Variants in COL19A1 observed in about 807,000 individuals in gnomAD.
COL19A1 encodes collagen alpha-1(XIX) chain.
Under a neutral mutation model 190.2 loss-of-function variants are expected in COL19A1, and 159 were observed. That is an observed-to-expected ratio of 0.84 (90% confidence interval 0.73 to 0.95). The LOEUF (loss-of-function observed/expected upper bound fraction) is 0.95, where lower values mean the gene tolerates loss of function less well. Ranked by LOEUF, COL19A1 falls within the 40% of genes least tolerant of loss-of-function variation. The pLI, the probability that COL19A1 is intolerant of heterozygous loss-of-function variation, is 0.00. For missense variants in COL19A1, 1,418 were observed against 1,431.9 expected, an observed-to-expected ratio of 0.99 and a Z score of 0.16; for synonymous variants, 509 against 458.9, an observed-to-expected ratio of 1.11 and a Z score of -1.39.
At chr6:69,883,305 C>A (rs534998213) in intron 2 of COL19A1, among the ~76,000 whole-genome samples, 1 of 152,152 alleles carries the variant, frequency 6.6e-6, no homozygotes, top group Non-Finnish European at 1.5e-5. Flanking sequence ...AAAGGCTAGA[C>A]CTTGGACACT....
Position 69,929,620 on chromosome 6 carries a change from C to A in COL19A1, c.586C>A (p.Gln196Lys), listed in dbSNP as rs756800886. ...GGATTGTAATTTAATTGCGAGGAGG[C>A]AGACTGATGAAAAGGACACTGTGGA... ...YMDCNLIARR[Q>K]TDEKDTVDFH... is the part of the protein sequence containing the mutation. Residue 196 changes from glutamine to lysine, a missense_variant, in exon 6 of 51, where the codon CAG becomes AAG. By Grantham distance (53) the Gln-to-Lys change is moderately conservative. Coordinates refer to ENST00000620364, the MANE Select transcript of COL19A1 (RefSeq NM_001858.6). The A allele has an allele frequency of 6.2e-7, 1 of 1,613,914 alleles. No homozygotes were observed. Among genetic ancestry groups the A allele is most frequent in the South Asian group, 1.1e-5 (1 of 91,080 alleles).
chr6:70,167,000 T>A (rs810562), intron 37 of COL19A1, among the ~76,000 whole-genome samples: 10,465 of 152,216 alleles, frequency 0.069, 1,198 homozygotes, highest in African/African-American at 0.23. Flanking sequence ...CAAAACACAG[T>A]TTAAATGTTT....
chr6:69,945,432 C>T (rs1012715012), intron 9 of COL19A1, among the ~76,000 whole-genome samples: 2 of 151,974 alleles, frequency 1.3e-5, no homozygotes, highest in African/African-American at 4.8e-5. Context: ...CATTTTCTTT[C>T]CAATCTGACA....
chr6:69,881,790 G>C (rs867412268), intron 2 of COL19A1, among the ~76,000 whole-genome samples: 1 of 152,180 alleles, frequency 6.6e-6, no homozygotes, highest in African/African-American at 2.4e-5. Context: ...AAAGCAACAC[G>C]TACTGAATGT....
At position 69,928,025 on chromosome 6, in the gene COL19A1, T is replaced by C; in HGVS notation, c.383T>C (p.Ile128Thr). 1 of 1,612,940 alleles carries C rather than the reference T, an allele frequency of 6.2e-7. No homozygotes were observed. Among genetic ancestry groups the C allele is most frequent in the Admixed American group, 1.7e-5 (1 of 59,898 alleles). ...TGGCAGGTTTTAAACCAGCAGAATA[T>C]TCCACAGGTAAAGTACCATTAGAGT... Reference protein sequence around the residue: ...FLWQVLNQQNIPQISIVVDGG... With the variant: ...FLWQVLNQQNTPQISIVVDGG... Residue 128 changes from isoleucine to threonine, a missense_variant, in exon 5 of 51, where the codon ATT becomes ACT. Physicochemically the swap from Ile to Thr is moderately conservative, Grantham distance 89 (BLOSUM62 -1). Transcript: ENST00000620364.
At chr6:69,975,234 C>T (rs1462116513) in intron 11 of COL19A1, among the ~76,000 whole-genome samples, 1 of 152,202 alleles carries the variant, frequency 6.6e-6, no homozygotes, top group East Asian at 1.9e-4. Context: ...TAATGGATCC[C>T]TTGTCTTCCT....
In COL19A1 at chr6:70,137,830, A is replaced by G. The variant is rs576705986; in HGVS notation, c.1446+83A>G. 1.3e-3 allele frequency: 1,691 copies of G among 1,348,612 alleles called. 32 individuals carry two copies. The South Asian group carries it at 0.019, about 15-fold the overall frequency. The allele number at this position is 1,348,612 out of a possible 1,614,324, so 83.5% of individuals were successfully genotyped here. ...ACGTTTCCAAATCAGCCCCAATTCCACGTGCCTTGGTTGATCCTGTCATGG... is the reference window on the plus strand; with the variant it reads ...ACGTTTCCAAATCAGCCCCAATTCCGCGTGCCTTGGTTGATCCTGTCATGG... On this transcript the variant is annotated intron_variant, in intron 19 of 50. Transcript: ENST00000620364.
At chr6:70,179,097 T>C (rs1766006308) in intron 42 of COL19A1, among the ~76,000 whole-genome samples, 1 of 152,088 alleles carries the variant, frequency 6.6e-6, no homozygotes, top group Non-Finnish European at 1.5e-5. Context: ...ATCTTCCCAC[T>C]CAGGCCCCTA....
intron 11 of COL19A1, among the ~76,000 whole-genome samples, chr6:70,005,610 C>A (rs1402866545): frequency 6.6e-6 from 1 of 152,116 alleles, no homozygotes; most frequent in African/African-American, 2.4e-5. Flanking sequence ...GTCTAACAAC[C>A]CCTATAGGAG....
chr6:69,970,745 T>G (rs1315264640), intron 11 of COL19A1, among the ~76,000 whole-genome samples: 1 of 152,218 alleles, frequency 6.6e-6, no homozygotes, highest in Non-Finnish European at 1.5e-5. Flanking sequence ...AATTGTTTCC[T>G]TTACCCTAGT....
chr6:69,880,552 CTT>C (rs1419203729), intron 2 of COL19A1, among the ~76,000 whole-genome samples: 1 of 152,168 alleles, frequency 6.6e-6, no homozygotes, highest in Non-Finnish European at 1.5e-5. Context: ...TCTAGAGAGA[CTT>C]TTGAGTTTGA....
intron 31 of COL19A1, 82 bp downstream of exon 31, chr6:70,151,520 A>T: frequency 7.4e-7 from 1 of 1,357,668 alleles, no homozygotes; most frequent in Non-Finnish European, 1.0e-6. Flanking sequence ...AATTGAGTCA[A>T]TTGCTTAGCT....
At chr6:70,134,699 G>T (rs529285002) in intron 18 of COL19A1, among the ~76,000 whole-genome samples, 2 of 152,258 alleles carry the variant, frequency 1.3e-5, no homozygotes, top group South Asian at 4.1e-4. Flanking sequence ...AAGCCTAATG[G>T]TATAAAAAAT....
In COL19A1 at chr6:69,895,411, C is replaced by T. The variant is rs1769656620; in HGVS notation, c.92-3537C>T. On this transcript the variant is annotated intron_variant, in intron 2 of 50. Coordinates refer to ENST00000620364, the MANE Select transcript of COL19A1 (RefSeq NM_001858.6). Reference sequence around the variant, plus strand: ...ACACCAAAAATGTCGCAGGACTTTTCCTTAGTGCAGCTAAAGATGGTGTTC... The same window carrying T: ...ACACCAAAAATGTCGCAGGACTTTTTCTTAGTGCAGCTAAAGATGGTGTTC... 1.3e-5 allele frequency among the ~76,000 whole-genome samples: 2 copies of T among 152,154 alleles called. 1 individual carries two copies. The highest frequency in any genetic ancestry group is 2.9e-5 in the Non-Finnish European group (2 of 68,034).
chr6:69,942,906 G>A lies in COL19A1; in HGVS notation c.936+4806G>A, dbSNP rs117876685. On this transcript the variant is annotated intron_variant, in intron 9 of 50. Coordinates refer to ENST00000620364, the MANE Select transcript of COL19A1 (RefSeq NM_001858.6). ...CACCATACTTATTTCCTTTCCTTTG[G>A]ATACATATCCCCAGTGGGATTTCTG... 9.8e-3 allele frequency among the ~76,000 whole-genome samples: 1,486 copies of A among 151,962 alleles called. 10 individuals are homozygous for A. The highest frequency in any genetic ancestry group is 0.016 in the Non-Finnish European group (1,078 of 67,946).
chr6:70,089,208 G>A (rs1389447067), intron 15 of COL19A1, among the ~76,000 whole-genome samples: 2 of 152,022 alleles, frequency 1.3e-5, no homozygotes, highest in African/African-American at 4.8e-5. Context: ...TTTATTATGT[G>A]TAAGAAAAAG....
chr6:70,151,333 A>C, intron 30 of COL19A1, 64 bp from the exon 31 acceptor site: 1 of 1,483,266 alleles, frequency 6.7e-7, no homozygotes, highest in Non-Finnish European at 9.4e-7. Context: ...ATTATACTGT[A>C]TGTTTATATT....
intron 2 of COL19A1, among the ~76,000 whole-genome samples, chr6:69,886,630 G>A (rs1025823256): frequency 1.9e-4 from 28 of 147,040 alleles, no homozygotes; most frequent in Non-Finnish European, 3.8e-4. Context: ...TTTTTTTTTT[G>A]TGTGGTGAAA....
chr6:70,160,820 GTACATTTAA>G lies in COL19A1; in HGVS notation c.2293-1079_2293-1071del, dbSNP rs1395462959. On this transcript the variant is annotated intron_variant, in intron 34 of 50. Coordinates refer to ENST00000620364, the MANE Select transcript of COL19A1 (RefSeq NM_001858.6). The stretch of plus-strand genomic sequence containing the variant: ...ATGTATCATTCCCATCTTTTAGGAA[GTACATTTAA>G]AATTGTTTAAAAATTTAGACCCTGT... Among the ~76,000 whole-genome samples the G allele has an allele frequency of 2.0e-5, 3 of 152,164 alleles. No individual in the cohort carries two copies. The East Asian group carries it at 5.8e-4, about 29-fold the overall frequency.
Sources: gnomAD v4.1 joint callset for allele counts (sites outside exome capture counted in the v4.1 genomes callset) on GRCh38, gnomAD v4.1.1 for gene constraint, MANE v1.5 for transcripts, NCBI Gene and HGNC (gene_info 2026-07-23, HGNC 2026-07-21) for gene names.